Variants in ZNF608 observed in about 807,000 individuals in gnomAD.
ZNF608 encodes zinc finger protein 608.
ZNF608 carries 12 observed loss-of-function variants against 109.0 expected under a neutral mutation model. That is an observed-to-expected ratio of 0.11 (90% CI 0.07 to 0.18). The LOEUF (loss-of-function observed/expected upper bound fraction) is 0.18, where lower values mean the gene tolerates loss of function less well. Among genes scored for constraint, ZNF608 ranks in the 10% least tolerant of loss-of-function variants. ZNF608 has a pLI of 1.00. For missense variants in ZNF608, 1,707 were observed against 1,879.3 expected (o/e 0.91, Z 1.70); for synonymous variants, 732 against 717.4 (o/e 1.02, Z -0.33).
At chr5:124,705,678 T>C (rs987758400) in intron 2 of ZNF608, among the ~76,000 whole-genome samples, 1 of 152,168 alleles carries the variant, frequency 6.6e-6, no homozygotes, top group African/African-American at 2.4e-5. Context: ...GGCTTAACCT[T>C]GAGAAGCTCA....
intron 9 of ZNF608, among the ~76,000 whole-genome samples, chr5:124,638,344 C>T (rs567985104): frequency 2.6e-5 from 4 of 152,136 alleles, no homozygotes; most frequent in Non-Finnish European, 5.9e-5. Flanking sequence ...GCAACCTCCA[C>T]CTCCTGGGTT....
At chr5:124,665,935 A>G (rs907019863) in intron 3 of ZNF608, among the ~76,000 whole-genome samples, 1 of 152,248 alleles carries the variant, frequency 6.6e-6, no homozygotes, top group Admixed American at 6.5e-5. Context: ...AATAAATTTT[A>G]CAGATGTAAT....
intron 5 of ZNF608, 29 bp from the exon 6 acceptor site, chr5:124,644,690 C>T (rs762749640): frequency 2.0e-6 from 3 of 1,508,472 alleles, no homozygotes; most frequent in East Asian, 2.3e-5. Context: ...AGAAAAAAAA[C>T]CCAACAGATT....
chr5:124,721,962 A>AAAAAAAAAAAAAAAAAC, intron 2 of ZNF608, among the ~76,000 whole-genome samples: 1 of 145,838 alleles, frequency 6.9e-6, no homozygotes, highest in East Asian at 2.0e-4. Context: ...AAAAAAAAAA[A>AAAAAAAAAAAAAAAAAC]AAAAAAAAAA....
intron 2 of ZNF608, chr5:124,710,410 T>C (rs1412283711): frequency 5.5e-6 from 2 of 365,754 alleles, no homozygotes; most frequent in Non-Finnish European, 5.3e-6. Context: ...ACAAATTAAA[T>C]GACAAGGAAG....
chr5:124,641,460 G>A, intron 7 of ZNF608, 55 bp from the exon 8 acceptor site: 2 of 1,550,382 alleles, frequency 1.3e-6, no homozygotes, highest in East Asian at 2.3e-5. Context: ...CAACTTTTAA[G>A]AGTACTAAAC....
intron 2 of ZNF608, among the ~76,000 whole-genome samples, chr5:124,719,003 T>C (rs576892784): frequency 5.8e-4 from 89 of 152,358 alleles, no homozygotes; most frequent in Admixed American, 1.3e-3. Flanking sequence ...ACTTCTGCCT[T>C]CCACCAATAT....
At chr5:124,747,992 CTTTTA>C (rs1486147404), upstream of ZNF608, among the ~76,000 whole-genome samples, 1 of 152,048 alleles carries the variant, frequency 6.6e-6, no homozygotes, top group Non-Finnish European at 1.5e-5. Flanking sequence ...TTGGGTGGGG[CTTTTA>C]TTTTTTCTCT....
At chr5:124,646,271 G>C (rs746702383) in intron 5 of ZNF608, among the ~76,000 whole-genome samples, 9 of 152,170 alleles carry the variant, frequency 5.9e-5, no homozygotes, top group Non-Finnish European at 7.3e-5. Flanking sequence ...TGACGCAGGA[G>C]AATCGCTTGA....
chr5:124,704,585 G>GC (rs1006433272), intron 2 of ZNF608, among the ~76,000 whole-genome samples: 4 of 151,932 alleles, frequency 2.6e-5, no homozygotes, highest in African/African-American at 9.7e-5. Flanking sequence ...AAACATTCCA[G>GC]TTTTTTTTAG....
At chr5:124,644,748 G>T in intron 5 of ZNF608, 87 bp from the exon 6 acceptor site, 1 of 1,102,872 alleles carries the variant, frequency 9.1e-7, no homozygotes, top group Non-Finnish European at 1.3e-6. Flanking sequence ...AATCATGACA[G>T]CACTAGCACT....
At chr5:124,694,367 T>C in intron 3 of ZNF608, among the ~76,000 whole-genome samples, 2 of 151,996 alleles carry the variant, frequency 1.3e-5, no homozygotes, top group Non-Finnish European at 2.9e-5. Context: ...ATTTTATTTT[T>C]ACTAAAAAAA....
At chr5:124,711,852 T>C (rs1489779520) in intron 2 of ZNF608, among the ~76,000 whole-genome samples, 1 of 152,086 alleles carries the variant, frequency 6.6e-6, no homozygotes, top group Non-Finnish European at 1.5e-5. Flanking sequence ...GGGGGGTTAT[T>C]ATGAAGTTGG....
At chr5:124,707,699 T>C (rs1249790021) in intron 2 of ZNF608, 1 of 152,216 alleles carries the variant, frequency 6.6e-6, no homozygotes, top group Non-Finnish European at 1.5e-5. Flanking sequence ...CGACCACTGC[T>C]GCAGTCTCTT....
At chr5:124,734,081 G>A (rs1344460266) in intron 2 of ZNF608, among the ~76,000 whole-genome samples, 1 of 152,118 alleles carries the variant, frequency 6.6e-6, no homozygotes, top group Non-Finnish European at 1.5e-5. Flanking sequence ...AATACACAGT[G>A]ATGCGATCAA....
chr5:124,652,144 G>A (rs1750816709), intron 3 of ZNF608, among the ~76,000 whole-genome samples: 1 of 152,222 alleles, frequency 6.6e-6, no homozygotes, highest in Non-Finnish European at 1.5e-5. Flanking sequence ...TGGGGCCACA[G>A]GTTGAAGCTG....
chr5:124,647,344 C>T lies in ZNF608; in HGVS notation c.3040G>A (p.Val1014Ile). The stretch of plus-strand genomic sequence containing the variant: ...CTATTTCCAGCTGCAGGGGCACCGA[C>T]CTGCCCAGGGTGCATGTAACTTGGA... ...YSPSYMHPGQ[V>I]GAPAAGNSGS... is the part of the protein sequence containing the mutation. Residue 1014 changes from valine (V) to isoleucine (I), a missense_variant, in exon 5 of 10, where the codon GTC (valine) becomes ATC (isoleucine). By Grantham distance (29) the Val-to-Ile change is conservative. This residue lies in a region of ZNF608 where 1,073 missense variants were observed against 1,133.5 expected (regional missense o/e 0.95). Transcript: ENST00000513986. 2 of 1,614,178 alleles carry T rather than the reference C, an allele frequency of 1.2e-6. No individual in the cohort carries two copies. The highest frequency in any genetic ancestry group is 1.7e-6 in the Non-Finnish European group (2 of 1,180,038).
chr5:124,727,000 C>T (rs190275374), intron 2 of ZNF608, among the ~76,000 whole-genome samples: 5 of 152,360 alleles, frequency 3.3e-5, no homozygotes, highest in Admixed American at 3.3e-4. Context: ...TCTCTCCCAT[C>T]TCAAGCTTGT....
At chr5:124,727,704 G>T (rs1748674988) in intron 2 of ZNF608, among the ~76,000 whole-genome samples, 2 of 126,006 alleles carry the variant, frequency 1.6e-5, no homozygotes, top group African/African-American at 3.0e-5. Context: ...AGCCTCATCA[G>T]TTGTATCTTG....
Sources: gnomAD v4.1 joint callset for allele counts (sites outside exome capture counted in the v4.1 genomes callset) on GRCh38, gnomAD v4.1.1 for gene constraint, gnomAD v4.1.1 regional missense constraint, MANE v1.5 for transcripts, NCBI Gene and HGNC (gene_info 2026-07-23, HGNC 2026-07-21) for gene names.